SPOCK3: variants seen among roughly 807,000 people sequenced by gnomAD.
SPOCK3 encodes the protein testican-3.
SPOCK3 carries 30 observed loss-of-function variants against 56.6 expected under a neutral mutation model. The ratio of observed to expected loss-of-function variants is 0.53; its 90% CI spans 0.40 to 0.72. SPOCK3 has a LOEUF of 0.72. SPOCK3 is among the 30% of genes least tolerant of loss of function. The pLI is 0.00. For missense variants in SPOCK3, 527 were observed against 530.0 expected (o/e 0.99, Z 0.06); for synonymous variants, 196 against 183.3 (o/e 1.07, Z -0.56).
chr4:167,095,811 ATAAT>A (rs1759099309), intron 2 of SPOCK3, among the ~76,000 whole-genome samples: 1 of 151,862 alleles, frequency 6.6e-6, no homozygotes, highest in Non-Finnish European at 1.5e-5. Flanking sequence ...AATTATTTTA[ATAAT>A]TAATGACCTT....
At chr4:167,149,670 A>G (rs1217111188) in intron 2 of SPOCK3, among the ~76,000 whole-genome samples, 1 of 152,100 alleles carries the variant, frequency 6.6e-6, no homozygotes, top group Non-Finnish European at 1.5e-5. Context: ...CTATTGCATG[A>G]CATTGCTTTC....
chr4:167,069,886 A>G (rs1756512219), intron 2 of SPOCK3, among the ~76,000 whole-genome samples: 1 of 151,864 alleles, frequency 6.6e-6, no homozygotes, highest in Non-Finnish European at 1.5e-5. Flanking sequence ...TATTCCATCC[A>G]TATTTCTCTG....
At chr4:166,913,823 A>G (rs1440012499) in intron 4 of SPOCK3, among the ~76,000 whole-genome samples, 2 of 152,096 alleles carry the variant, frequency 1.3e-5, no homozygotes, top group Non-Finnish European at 2.9e-5. Flanking sequence ...AGCCTATCAT[A>G]GTTCCAAATA....
chr4:166,932,144 A>C (rs1739861233), intron 4 of SPOCK3, among the ~76,000 whole-genome samples: 1 of 152,226 alleles, frequency 6.6e-6, no homozygotes. Flanking sequence ...GCCTGAAAGT[A>C]TGTTAACTCA....
chr4:166,945,425 ACT>A (rs538776267), intron 4 of SPOCK3, among the ~76,000 whole-genome samples: 192 of 152,120 alleles, frequency 1.3e-3, no homozygotes, highest in African/African-American at 4.1e-3. Flanking sequence ...CATATTTGTA[ACT>A]CTGTTCTAAA....
intron 4 of SPOCK3, among the ~76,000 whole-genome samples, chr4:166,997,992 C>T (rs879804555): frequency 6.6e-6 from 1 of 152,072 alleles, no homozygotes; most frequent in African/African-American, 2.4e-5. Context: ...ACACACAATC[C>T]TCAAATCTAA....
At chr4:167,085,744 T>C (rs756286113) in intron 2 of SPOCK3, among the ~76,000 whole-genome samples, 1 of 152,140 alleles carries the variant, frequency 6.6e-6, no homozygotes, top group African/African-American at 2.4e-5. Context: ...CAGTCCATTT[T>C]TATAAGGCCC....
intron 4 of SPOCK3, among the ~76,000 whole-genome samples, chr4:166,966,031 A>G (rs1464490881): frequency 6.6e-6 from 1 of 151,996 alleles, no homozygotes; most frequent in Non-Finnish European, 1.5e-5. Flanking sequence ...GCAACCACTG[A>G]TCTTGTTACT....
At chr4:166,812,504 G>C (rs942423257) in intron 6 of SPOCK3, among the ~76,000 whole-genome samples, 1 of 151,896 alleles carries the variant, frequency 6.6e-6, no homozygotes, top group Non-Finnish European at 1.5e-5. Flanking sequence ...AGGTGATAGA[G>C]ATTCACTTAA....
intron 2 of SPOCK3, among the ~76,000 whole-genome samples, chr4:167,152,944 A>G (rs1381092162): frequency 1.3e-5 from 2 of 152,206 alleles, no homozygotes; most frequent in African/African-American, 4.8e-5. Flanking sequence ...AAGTGAACTT[A>G]TCTATTTGGA....
chr4:166,767,249 C>A (rs1055919593), intron 7 of SPOCK3, among the ~76,000 whole-genome samples: 1 of 152,126 alleles, frequency 6.6e-6, no homozygotes, highest in Admixed American at 6.5e-5. Context: ...TGTGTTTGCT[C>A]TTGCCTCTCT....
chr4:167,140,055 G>C (rs1443540544), intron 2 of SPOCK3, among the ~76,000 whole-genome samples: 1 of 152,036 alleles, frequency 6.6e-6, no homozygotes, highest in African/African-American at 2.4e-5. Flanking sequence ...TTGTCATACA[G>C]AATGGCAGAA....
At chr4:166,914,006 G>A (rs1217671415) in intron 4 of SPOCK3, among the ~76,000 whole-genome samples, 14 of 151,860 alleles carry the variant, frequency 9.2e-5, no homozygotes, top group African/African-American at 2.9e-4. Flanking sequence ...ATTGAAAAAC[G>A]TGGGCTATTC....
intron 2 of SPOCK3, among the ~76,000 whole-genome samples, chr4:167,225,377 C>A (rs186975875): frequency 2.0e-5 from 3 of 152,098 alleles, no homozygotes; most frequent in Admixed American, 1.3e-4. Context: ...AGCAGAAAAT[C>A]GAAGGCCAGA....
intron 4 of SPOCK3, among the ~76,000 whole-genome samples, chr4:166,917,068 T>A (rs1009641096): frequency 1.7e-4 from 26 of 152,256 alleles, no homozygotes; most frequent in African/African-American, 4.8e-4. Context: ...AGTCATATGA[T>A]AACCAATGAA....
chr4:166,772,162 T>A (rs921705211), intron 7 of SPOCK3, among the ~76,000 whole-genome samples: 1 of 152,132 alleles, frequency 6.6e-6, no homozygotes, highest in Admixed American at 6.6e-5. Flanking sequence ...TAAACAGTAA[T>A]GATTTATTAT....
At chr4:166,968,707 A>C (rs1172314569) in intron 4 of SPOCK3, among the ~76,000 whole-genome samples, 1 of 147,554 alleles carries the variant, frequency 6.8e-6, no homozygotes, top group Non-Finnish European at 1.5e-5. Flanking sequence ...GGCCTCATGG[A>C]GAACCTCTAC....
At chr4:166,942,262 G>A (rs1220787397) in intron 4 of SPOCK3, among the ~76,000 whole-genome samples, 1 of 151,624 alleles carries the variant, frequency 6.6e-6, no homozygotes, top group Non-Finnish European at 1.5e-5. Flanking sequence ...CTAGGCTGGA[G>A]TGCAGTAGCA....
At chr4:167,229,056 A>AGG (rs1736873362) in intron 2 of SPOCK3, among the ~76,000 whole-genome samples, 4 of 152,184 alleles carry the variant, frequency 2.6e-5, no homozygotes, top group Non-Finnish European at 5.9e-5. Context: ...GTTCTCAACT[A>AGG]CAGTGAAATA....
Sources: gnomAD v4.1 joint callset for allele counts (sites outside exome capture counted in the v4.1 genomes callset) on GRCh38, gnomAD v4.1.1 for gene constraint, MANE v1.5 for transcripts, NCBI Gene and HGNC (gene_info 2026-07-23, HGNC 2026-07-21) for gene names.